GPR158: variants seen among roughly 807,000 people sequenced by gnomAD.
GPR158 encodes the protein G protein-coupled receptor 158.
GPR158 carries 30 observed loss-of-function variants against 78.2 expected under a neutral mutation model. That is an observed-to-expected ratio of 0.38 (90% CI 0.29 to 0.52). The LOEUF (loss-of-function observed/expected upper bound fraction) is 0.52. Ranked by LOEUF, GPR158 falls within the 20% of genes least tolerant of loss-of-function variation. The pLI is 0.83. For missense variants in GPR158, 1,463 were observed against 1,523.5 expected (o/e 0.96, Z 0.66); for synonymous variants, 581 against 591.1 (o/e 0.98, Z 0.25).
At chr10:25,292,487 T>C (rs1306728576) in intron 2 of GPR158, among the ~76,000 whole-genome samples, 1 of 151,348 alleles carries the variant, frequency 6.6e-6, no homozygotes, top group Non-Finnish European at 1.5e-5. Flanking sequence ...ATTGATGTAG[T>C]TATGCTGTTC....
At chr10:25,179,160 T>C (rs1217147043) in intron 1 of GPR158, among the ~76,000 whole-genome samples, 6 of 152,262 alleles carry the variant, frequency 3.9e-5, no homozygotes, top group Admixed American at 3.9e-4. Flanking sequence ...TTGTTGATGA[T>C]ATTTTATCAT....
chr10:25,524,749 C>T (rs1286006246), intron 5 of GPR158, among the ~76,000 whole-genome samples: 1 of 152,074 alleles, frequency 6.6e-6, no homozygotes, highest in Non-Finnish European at 1.5e-5. Context: ...AGATATGACA[C>T]CAAAATCACA....
chr10:25,317,612 T>G (rs1564420488), intron 2 of GPR158, among the ~76,000 whole-genome samples: 1 of 152,168 alleles, frequency 6.6e-6, no homozygotes, highest in African/African-American at 2.4e-5. Context: ...TTTGAGAATA[T>G]TTAATTCAGT....
At chr10:25,511,448 G>A (rs1836085724) in intron 5 of GPR158, among the ~76,000 whole-genome samples, 1 of 152,098 alleles carries the variant, frequency 6.6e-6, no homozygotes, top group South Asian at 2.1e-4. Flanking sequence ...TTAGTCCTTT[G>A]TCAGATGTAT....
chr10:25,188,523 C>G (rs886797688), intron 1 of GPR158, among the ~76,000 whole-genome samples: 12 of 152,060 alleles, frequency 7.9e-5, no homozygotes, highest in South Asian at 2.1e-4. Context: ...ACAAAAACAA[C>G]AAATGGGTAA....
rs371827843 is a variant in GPR158, at chr10:25,287,178, T to C, written c.1008+66021T>C. On this transcript the variant is annotated intron_variant, in intron 2 of 10. Coordinates refer to ENST00000376351, the MANE Select transcript of GPR158 (RefSeq NM_020752.3). The stretch of plus-strand genomic sequence containing the variant: ...AGATGTAGAGAGATTTTTTTCCTTT[T>C]CTTTTTCCCTAGCTTCTGTTGATTT... Among the ~76,000 whole-genome samples the C allele has an allele frequency of 2.6e-4, 40 of 152,182 alleles. No homozygotes were observed. In the East Asian group the frequency reaches 7.6e-3, roughly 29 times the overall value.
intron 2 of GPR158, among the ~76,000 whole-genome samples, chr10:25,285,767 G>T (rs1854342456): frequency 6.6e-6 from 1 of 152,148 alleles, no homozygotes; most frequent in Non-Finnish European, 1.5e-5. Context: ...AGGTTTCTAG[G>T]TATTCCTTAA....
intron 5 of GPR158, among the ~76,000 whole-genome samples, chr10:25,516,971 A>G (rs1359042450): frequency 6.7e-6 from 1 of 149,122 alleles, no homozygotes; most frequent in East Asian, 1.9e-4. Flanking sequence ...CAGTATGGCC[A>G]TTTTCACGAT....
At chr10:25,179,228 T>A (rs1474998876) in intron 1 of GPR158, among the ~76,000 whole-genome samples, 1 of 152,230 alleles carries the variant, frequency 6.6e-6, no homozygotes, top group Non-Finnish European at 1.5e-5. Context: ...ACAGGTATGG[T>A]AACAAGGTAA....
chr10:25,277,998 G>C (rs1854208228), intron 2 of GPR158, among the ~76,000 whole-genome samples: 1 of 152,096 alleles, frequency 6.6e-6, no homozygotes, highest in African/African-American at 2.4e-5. Context: ...ATTGAGGCAA[G>C]TATAAAACTT....
At chr10:25,328,183 G>GAT (rs59393985) in intron 2 of GPR158, among the ~76,000 whole-genome samples, 23,955 of 151,888 alleles carry the variant, frequency 0.16, 3,797 homozygotes, top group African/African-American at 0.41. Context: ...GAAATACATA[G>GAT]ATATATATAG....
At chr10:25,517,751 A>G (rs1194926153) in intron 5 of GPR158, among the ~76,000 whole-genome samples, 1 of 151,214 alleles carries the variant, frequency 6.6e-6, no homozygotes, top group East Asian at 1.9e-4. Context: ...AAGCTTTTTG[A>G]TGTGCTGCTG....
intron 2 of GPR158, among the ~76,000 whole-genome samples, chr10:25,329,241 C>A: frequency 6.6e-6 from 1 of 151,936 alleles, no homozygotes; most frequent in Non-Finnish European, 1.5e-5. Flanking sequence ...TTGAGACCAT[C>A]CTGGCTAACA....
At chr10:25,372,714 G>A (rs1257858042) in intron 2 of GPR158, among the ~76,000 whole-genome samples, 1 of 109,946 alleles carries the variant, frequency 9.1e-6, no homozygotes, top group East Asian at 3.4e-4. Flanking sequence ...GTTGTGGGGT[G>A]GGGGGAGGGG....
At chr10:25,352,754 T>C (rs922248900) in intron 2 of GPR158, among the ~76,000 whole-genome samples, 1 of 152,064 alleles carries the variant, frequency 6.6e-6, no homozygotes, top group Non-Finnish European at 1.5e-5. Flanking sequence ...TTACAAACCA[T>C]TTAATTTTGT....
rs1175352427 is a variant in GPR158, at chr10:25,466,686, G to A, written c.1371G>A (p.Thr457=). 2.5e-6 allele frequency: 4 copies of A among 1,606,444 alleles called. No individual in the cohort carries two copies. Among genetic ancestry groups the A allele is most frequent in the Non-Finnish European group, 3.4e-6 (4 of 1,175,556 alleles). The change falls in exon 5 of 11, where the codon ACG becomes ACA. Residue 457 remains threonine, a synonymous_variant. Coordinates refer to ENST00000376351, the MANE Select transcript of GPR158 (RefSeq NM_020752.3). ...CATCGGGCCTTATCCTGTTGGAAAC[G>A]ATCCTTTTTGGATCTCTGCTCCTAT... ...IRASGLILLE[T]ILFGSLLLYF... is the part of the protein sequence containing the mutation.
chr10:25,366,818 TTGA>T (rs1456189384), intron 2 of GPR158, among the ~76,000 whole-genome samples: 6 of 143,638 alleles, frequency 4.2e-5, no homozygotes, highest in Non-Finnish European at 7.7e-5. Flanking sequence ...TAAATTTTTT[TTGA>T]TGATTATGAG....
intron 7 of GPR158, among the ~76,000 whole-genome samples, chr10:25,576,663 A>G (rs1837101042): frequency 6.6e-6 from 1 of 152,162 alleles, no homozygotes; most frequent in South Asian, 2.1e-4. Context: ...ACCAGGTCTC[A>G]GTTAAAGAGG....
chr10:25,237,911 C>T (rs1853546119), intron 2 of GPR158, among the ~76,000 whole-genome samples: 1 of 152,002 alleles, frequency 6.6e-6, no homozygotes, highest in Admixed American at 6.6e-5. Flanking sequence ...CTATCCCCTC[C>T]TTTTCCACCT....
Sources: allele counts gnomAD v4.1 joint callset (sites outside exome capture counted in the v4.1 genomes callset), GRCh38; gene constraint gnomAD v4.1.1; transcripts MANE v1.5; gene names NCBI Gene and HGNC (gene_info 2026-07-23, HGNC 2026-07-21).